Variants in USP49 observed in about 807,000 individuals in gnomAD.
USP49 encodes the protein ubiquitin carboxyl-terminal hydrolase 49.
In USP49, 24 loss-of-function variants were observed where a neutral mutation model predicts 58.6. That is an observed-to-expected ratio of 0.41 (90% CI 0.30 to 0.58). The LOEUF is 0.58. USP49 is among the 20% of genes least tolerant of loss of function. The pLI, the probability that USP49 is intolerant of heterozygous loss-of-function variation, is 0.30. For synonymous variants in USP49, 408 were observed against 365.1 expected (o/e 1.12, Z -1.34); for missense variants, 703 against 866.1 (o/e 0.81, Z 2.36).
At chr6:41,810,572 A>G (rs1253329032) in intron 3 of USP49, among the ~76,000 whole-genome samples, 1 of 148,084 alleles carries the variant, frequency 6.8e-6, no homozygotes, top group Non-Finnish European at 1.5e-5. Context: ...TTTGAGACAG[A>G]GCCTCACTCT....
At chr6:41,854,316 CAAAA>C (rs565189473) in intron 3 of USP49, among the ~76,000 whole-genome samples, 3 of 91,088 alleles carry the variant, frequency 3.3e-5, no homozygotes, top group Admixed American at 1.2e-4. Context: ...GACTCTGTCT[CAAAA>C]AAAAAAAAAA....
rs956783556 is a variant in USP49, at chr6:41,806,393, C to T, written c.591G>A (p.Leu197=). 1.2e-5 allele frequency: 18 copies of T among 1,554,926 alleles called. No homozygotes were observed. Among genetic ancestry groups the T allele is most frequent in the Non-Finnish European group, 1.4e-5 (16 of 1,159,606 alleles). ...RRRREVKRRL[L]EELASTPPRK... ...GCGGAGGGGTGCTGGCCAGCTCCTC[C>T]AGCAGCCGCCGTTTCACCTCGCGCC... Residue 197 remains leucine (L), a synonymous_variant, in exon 4 of 8, where the codon CTG becomes CTA. Transcript: ENST00000682992. This position sits in a 1 kb window ranked among gnomAD's most constrained non-coding sequence, Gnocchi z 5.9.
chr6:41,895,191 C>T (rs2127368913), intron 1 of USP49, 133 bp downstream of exon 1: 1 of 152,360 alleles, frequency 6.6e-6, no homozygotes, highest in South Asian at 2.0e-4. Context: ...ACTCCTATCC[C>T]CGCCTCCGAG....
chr6:41,826,775 C>G (rs1773545321), intron 3 of USP49, among the ~76,000 whole-genome samples: 1 of 152,094 alleles, frequency 6.6e-6, no homozygotes, highest in South Asian at 2.1e-4. Context: ...CTCACAGAGC[C>G]AAAGAGAATA....
intron 3 of USP49, among the ~76,000 whole-genome samples, chr6:41,810,363 G>A (rs1326607544): frequency 8.0e-5 from 12 of 149,270 alleles, no homozygotes; most frequent in Admixed American, 6.6e-4. Context: ...GGTGGCAGGC[G>A]CCTGTAATCC....
chr6:41,849,708 A>G (rs1299440793), intron 3 of USP49, among the ~76,000 whole-genome samples: 1 of 151,874 alleles, frequency 6.6e-6, no homozygotes, highest in Non-Finnish European at 1.5e-5. Context: ...CCCGGGTTCA[A>G]GTGATTCCCC....
chr6:41,882,298 A>G (rs1180514586), intron 2 of USP49, among the ~76,000 whole-genome samples: 1 of 152,218 alleles, frequency 6.6e-6, no homozygotes, highest in Non-Finnish European at 1.5e-5. Flanking sequence ...AAACTTCGAG[A>G]TAAATACACC....
At chr6:41,851,576 A>G (rs1774028516) in intron 3 of USP49, among the ~76,000 whole-genome samples, 1 of 152,234 alleles carries the variant, frequency 6.6e-6, no homozygotes, top group South Asian at 2.1e-4. Context: ...ACAAGGAACA[A>G]GCCAAGCATG....
intron 3 of USP49, among the ~76,000 whole-genome samples, chr6:41,865,580 A>G (rs1774299248): frequency 6.6e-6 from 1 of 151,926 alleles, no homozygotes; most frequent in Non-Finnish European, 1.5e-5. Context: ...GACTCAAGCA[A>G]TCCTCTGGCT....
chr6:41,812,384 AT>A (rs1193008147), intron 3 of USP49, among the ~76,000 whole-genome samples: 3 of 138,786 alleles, frequency 2.2e-5, no homozygotes, highest in Non-Finnish European at 4.7e-5. Flanking sequence ...CGGCCAGATG[AT>A]TTTTTTGCAC....
chr6:41,865,347 C>G (rs979732106), intron 3 of USP49, among the ~76,000 whole-genome samples: 3 of 151,990 alleles, frequency 2.0e-5, no homozygotes, highest in African/African-American at 7.2e-5. Context: ...ACCCAGCCCT[C>G]ATTTTCTTTA....
intron 3 of USP49, among the ~76,000 whole-genome samples, chr6:41,815,468 G>C (rs1441093524): frequency 1.3e-5 from 2 of 151,914 alleles, no homozygotes; most frequent in East Asian, 1.9e-4. Context: ...GGTAGGGTTA[G>C]AGAAACTGTT....
At chr6:41,877,155 C>T (rs1013643039) in intron 2 of USP49, among the ~76,000 whole-genome samples, 2 of 152,160 alleles carry the variant, frequency 1.3e-5, no homozygotes, top group Non-Finnish European at 2.9e-5. Flanking sequence ...TGGGTTTTGT[C>T]CATTTATGAC....
intron 3 of USP49, among the ~76,000 whole-genome samples, chr6:41,816,988 G>A (rs575914089): frequency 1.3e-5 from 2 of 151,796 alleles, no homozygotes; most frequent in African/African-American, 2.4e-5. Context: ...TTACAGGCAT[G>A]AGCCACTGCA....
chr6:41,829,556 G>A (rs1773600993), intron 3 of USP49, among the ~76,000 whole-genome samples: 1 of 152,112 alleles, frequency 6.6e-6, no homozygotes, highest in Non-Finnish European at 1.5e-5. Context: ...CAGGTGATCT[G>A]CCCACCTCAG....
Position 41,825,060 on chromosome 6 carries a change from G to A in USP49, c.-28-18049C>T, listed in dbSNP as rs557747087. ...CAAACAGGCTGACCACAAAAAGAGCGCCAGTGCATATCCAGGCAATGAACT... is the reference window on the plus strand; with the variant it reads ...CAAACAGGCTGACCACAAAAAGAGCACCAGTGCATATCCAGGCAATGAACT... On this transcript the variant is annotated intron_variant, in intron 3 of 7. Transcript: ENST00000682992. Among the ~76,000 whole-genome samples the A allele has an allele frequency of 2.7e-4, 41 of 152,272 alleles. No homozygotes were observed. In the South Asian group the frequency reaches 8.1e-3, roughly 30 times the overall value.
chr6:41,854,316 CAAAAAAAA>C (rs565189473), intron 3 of USP49, among the ~76,000 whole-genome samples: 1 of 91,106 alleles, frequency 1.1e-5, no homozygotes, highest in Admixed American at 1.2e-4. Context: ...GACTCTGTCT[CAAAAAAAA>C]AAAAAAAAAA....
chr6:41,798,439 A>C, intron 7 of USP49: 1 of 659,632 alleles, frequency 1.5e-6, no homozygotes, highest in Non-Finnish European at 2.2e-6. Context: ...ACGCCCGGCT[A>C]ATTTTTGTAC....
rs542156229 is a variant in USP49, at chr6:41,851,970, A to G, written c.-29+19594T>C. On this transcript the variant is annotated intron_variant, in intron 3 of 7. Coordinates refer to ENST00000682992, the MANE Select transcript of USP49 (RefSeq NM_001286554.2). ...CTCGTCTCAAAAAAAAAAAAAAAAA[A>G]AAAAAAGAAAGAAAAGAAGTAAATT... Among the ~76,000 whole-genome samples the G allele has an allele frequency of 1.9e-3, 283 of 150,702 alleles. 2 individuals carry two copies. The highest frequency in any genetic ancestry group is 6.6e-3 in the African/African-American group (270 of 41,116).
Sources: allele counts gnomAD v4.1 joint callset (sites outside exome capture counted in the v4.1 genomes callset), GRCh38; gene constraint gnomAD v4.1.1; non-coding constraint Gnocchi (gnomAD v3.1); transcripts MANE v1.5; gene names NCBI Gene and HGNC (gene_info 2026-07-23, HGNC 2026-07-21).